The following FAM184A variants were observed in gnomAD, a reference collection of about 807,000 sequenced individuals.
FAM184A encodes the protein protein FAM184A.
A neutral mutation model predicts 143.8 loss-of-function variants in FAM184A; 99 were observed. The observed-to-expected ratio is 0.69, with a 90% CI of 0.58 to 0.81. The LOEUF is 0.81. Among genes scored for constraint, FAM184A ranks in the 40% least tolerant of loss-of-function variants. FAM184A has a pLI of 0.00. For synonymous variants in FAM184A, 427 were observed against 446.4 expected, an observed-to-expected ratio of 0.96 and a Z score of 0.55; for missense variants, 1,217 against 1,310.5, an observed-to-expected ratio of 0.93 and a Z score of 1.10.
rs549923327 is a variant in FAM184A at position 119,075,083 on chromosome 6, CT to C, written c.159+3057del. ...ATGGGCAAAATTATAATCTTTATTACTTTTCATGCTTATCCTTTCATAGCCA... is the reference window on the plus strand; with the variant it reads ...ATGGGCAAAATTATAATCTTTATTACTTTCATGCTTATCCTTTCATAGCCA... On this transcript the variant is annotated intron_variant, in intron 1 of 17. Transcript: ENST00000338891. Among the ~76,000 whole-genome samples the C allele has an allele frequency of 1.1e-4, 17 of 152,310 alleles. 1 individual carries two copies. The South Asian group carries it at 3.3e-3, about 30-fold the overall frequency.
At chr6:119,071,720 C>T (rs1467075727) in intron 1 of FAM184A, among the ~76,000 whole-genome samples, 2 of 151,964 alleles carry the variant, frequency 1.3e-5, no homozygotes, top group Non-Finnish European at 2.9e-5. Context: ...TTAGTGTGGC[C>T]ACCCCCACCT....
Position 118,979,506 on chromosome 6 carries a change from G to T in FAM184A, c.2314C>A (p.His772Asn). 5 of 1,608,896 alleles carry T rather than the reference G, an allele frequency of 3.1e-6. No individual in the cohort carries two copies. Among genetic ancestry groups the T allele is most frequent in the Non-Finnish European group, 4.2e-6 (5 of 1,178,482 alleles). The change falls in exon 11 of 18, where the codon CAT becomes AAT. Residue 772 changes from histidine (H) to asparagine (N), a missense_variant. Transcript: ENST00000338891. ...TCTGCAGAATGCTTCTGTTGTAAATGATTTTCAAGAGCCTAGAACAAGACA... is the reference window on the plus strand; with the variant it reads ...TCTGCAGAATGCTTCTGTTGTAAATTATTTTCAAGAGCCTAGAACAAGACA... ...KEKEQRALEN[H>N]LQQKHSAELQ...
At chr6:119,132,643 G>C (rs1012454968) in intron 1 of FAM184A, among the ~76,000 whole-genome samples, 1 of 152,178 alleles carries the variant, frequency 6.6e-6, no homozygotes, top group African/African-American at 2.4e-5. Context: ...ACTCTGCCCT[G>C]TCTATTCTAC....
At chr6:119,097,632 G>C in intron 1 of FAM184A, among the ~76,000 whole-genome samples, 1 of 152,078 alleles carries the variant, frequency 6.6e-6, no homozygotes, top group South Asian at 2.1e-4. Context: ...CATATCTTTC[G>C]CTCAAGGTTT....
intron 6 of FAM184A, among the ~76,000 whole-genome samples, chr6:119,006,942 A>C (rs923960463): frequency 1.3e-5 from 2 of 152,204 alleles, no homozygotes; most frequent in Non-Finnish European, 2.9e-5. Flanking sequence ...GTAAAACAAA[A>C]TTTTAGATAA....
intron 1 of FAM184A, among the ~76,000 whole-genome samples, chr6:119,077,684 A>T (rs1354073413): frequency 6.6e-6 from 1 of 152,180 alleles, no homozygotes; most frequent in South Asian, 2.1e-4. Flanking sequence ...ACCCTCCTAC[A>T]TTCCTCTGAA....
chr6:119,122,715 A>G (rs921848515), intron 1 of FAM184A, among the ~76,000 whole-genome samples: 26 of 152,014 alleles, frequency 1.7e-4, no homozygotes, highest in Admixed American at 9.8e-4. Flanking sequence ...TGAGTTCAGG[A>G]GTTCAACACC....
intron 5 of FAM184A, among the ~76,000 whole-genome samples, 166 bp from the exon 6 acceptor site, chr6:119,011,597 T>C (rs1432301397): frequency 6.6e-6 from 1 of 152,196 alleles, no homozygotes; most frequent in African/African-American, 2.4e-5. Flanking sequence ...CATAGTGGCT[T>C]AGATTCTATC....
chr6:119,111,744 G>A (rs1280552166), intron 1 of FAM184A, among the ~76,000 whole-genome samples: 1 of 152,186 alleles, frequency 6.6e-6, no homozygotes, highest in Non-Finnish European at 1.5e-5. Context: ...GCAGTTTAAT[G>A]TACTACGAAA....
chr6:119,109,785 C>G (rs1400782765), intron 1 of FAM184A, among the ~76,000 whole-genome samples: 1 of 152,216 alleles, frequency 6.6e-6, no homozygotes, highest in African/African-American at 2.4e-5. Context: ...TCTCCTACTT[C>G]TACTCCTAAA....
rs768169717 is a variant in FAM184A at position 118,976,026 on chromosome 6, A to C, written c.2474T>G (p.Leu825Arg). ...AATTGCAGCTGCATGTTGATGGTTGAGTTCTGAGCGCAAGGAAGCTGGAAT... is the reference window on the plus strand; with the variant it reads ...AATTGCAGCTGCATGTTGATGGTTGCGTTCTGAGCGCAAGGAAGCTGGAAT... Reference protein sequence around the residue: ...KAMLASLRSELNHQHAAAIDL... With the variant: ...KAMLASLRSERNHQHAAAIDL... The change falls in exon 12 of 18, where the codon CTC becomes CGC. Residue 825 changes from leucine to arginine, a missense_variant. Physicochemically the swap from Leu to Arg is moderately radical, Grantham distance 102. Transcript: ENST00000338891. 2.1e-5 allele frequency: 34 copies of C among 1,612,622 alleles called. No individual in the cohort carries two copies. Among genetic ancestry groups the C allele is most frequent in the Non-Finnish European group, 2.5e-5 (30 of 1,179,714 alleles).
chr6:119,085,823 G>A (rs1788204753), intron 1 of FAM184A, among the ~76,000 whole-genome samples: 1 of 152,220 alleles, frequency 6.6e-6, no homozygotes, highest in Non-Finnish European at 1.5e-5. Flanking sequence ...AATCATGGAG[G>A]AGGGTGAAGG....
At chr6:119,113,891 G>A (rs141562460) in intron 1 of FAM184A, among the ~76,000 whole-genome samples, 1,992 of 152,214 alleles carry the variant, frequency 0.013, 38 homozygotes, top group African/African-American at 0.046. Flanking sequence ...GCGGTGAGCC[G>A]AGATCATGCC....
intron 1 of FAM184A, among the ~76,000 whole-genome samples, chr6:119,092,652 C>T (rs2114822346): frequency 6.6e-6 from 1 of 152,068 alleles, no homozygotes; most frequent in Admixed American, 6.6e-5. Flanking sequence ...AATAAATAGC[C>T]ATAGGTCTCT....
At chr6:119,126,711 C>T (rs1437230921) in intron 1 of FAM184A, among the ~76,000 whole-genome samples, 4 of 152,140 alleles carry the variant, frequency 2.6e-5, no homozygotes, top group South Asian at 4.1e-4. Flanking sequence ...CCTTTTTGTG[C>T]GGGCAGAGGG....
intron 1 of FAM184A, among the ~76,000 whole-genome samples, chr6:119,035,868 G>GT (rs1786093946): frequency 6.6e-6 from 1 of 152,088 alleles, no homozygotes; most frequent in Non-Finnish European, 1.5e-5. Context: ...ACTGATTTAT[G>GT]TTTTATGCCA....
At chr6:118,965,053 T>C (rs1783455627) in intron 15 of FAM184A, among the ~76,000 whole-genome samples, 1 of 152,336 alleles carries the variant, frequency 6.6e-6, no homozygotes, top group East Asian at 1.9e-4. Context: ...GGGCTGACTA[T>C]GCAGTTTGGG....
chr6:119,119,415 C>A (rs555235051), intron 1 of FAM184A, among the ~76,000 whole-genome samples: 1 of 152,276 alleles, frequency 6.6e-6, no homozygotes, highest in Non-Finnish European at 1.5e-5. Flanking sequence ...AAGTCTCCCC[C>A]GGACACCCAG....
At chr6:119,009,772 A>G (rs924250732) in intron 6 of FAM184A, among the ~76,000 whole-genome samples, 2 of 152,170 alleles carry the variant, frequency 1.3e-5, no homozygotes, top group Admixed American at 1.3e-4. Flanking sequence ...CTGTCTGTCC[A>G]TAGTAGTAGG....
Sources: gnomAD v4.1 joint callset for allele counts (sites outside exome capture counted in the v4.1 genomes callset) on GRCh38, gnomAD v4.1.1 for gene constraint, MANE v1.5 for transcripts, NCBI Gene and HGNC (gene_info 2026-07-23, HGNC 2026-07-21) for gene names.